ARMC2: variants seen among roughly 807,000 people sequenced by gnomAD.
ARMC2 encodes the protein armadillo repeat-containing protein 2.
ARMC2 carries 67 observed loss-of-function variants against 90.3 expected under a neutral mutation model. The observed-to-expected ratio is 0.74, with a 90% CI of 0.61 to 0.91. The LOEUF (loss-of-function observed/expected upper bound fraction) is 0.91. Ranked by LOEUF, ARMC2 falls within the 40% of genes least tolerant of loss-of-function variation. The pLI, the probability that ARMC2 is intolerant of heterozygous loss-of-function variation, is 0.00. For synonymous variants in ARMC2, 393 were observed against 393.0 expected, an observed-to-expected ratio of 1.00 and a Z score of 0.00; for missense variants, 920 against 1,030.9, an observed-to-expected ratio of 0.89 and a Z score of 1.47.
At chr6:108,977,755 A>G (rs1204229912), downstream of ARMC2, among the ~76,000 whole-genome samples, 1 of 151,988 alleles carries the variant, frequency 6.6e-6, no homozygotes, top group Non-Finnish European at 1.5e-5. Context: ...CAATTTATCC[A>G]TTTCTTCTAG....
At chr6:108,936,003 A>C (rs1173501545) in intron 11 of ARMC2, among the ~76,000 whole-genome samples, 1 of 152,126 alleles carries the variant, frequency 6.6e-6, no homozygotes. Context: ...CATATTAATG[A>C]TGTTTTACCT....
At chr6:108,966,368 T>C (rs1411986200) in intron 17 of ARMC2, among the ~76,000 whole-genome samples, 2 of 152,108 alleles carry the variant, frequency 1.3e-5, no homozygotes, top group Non-Finnish European at 2.9e-5. Flanking sequence ...GGATAATTAA[T>C]GTCCAGATTG....
chr6:109,046,140 C>T, the ARMC2 span, among the ~76,000 whole-genome samples: 1 of 151,802 alleles, frequency 6.6e-6, no homozygotes, highest in South Asian at 2.1e-4. Context: ...CCCTCTCATG[C>T]GGAGCCGAAG....
intron 11 of ARMC2, among the ~76,000 whole-genome samples, chr6:108,931,395 T>A (rs1345877871): frequency 2.0e-5 from 3 of 151,974 alleles, no homozygotes; most frequent in African/African-American, 7.3e-5. Flanking sequence ...AGCGTGCATG[T>A]ATCTTTATTG....
the ARMC2 span, chr6:108,998,540 C>T: frequency 1.9e-6 from 3 of 1,613,820 alleles, no homozygotes; most frequent in Non-Finnish European, 2.5e-6. Context: ...AGTTGACCGG[C>T]ATCTCATCCA....
chr6:108,904,646 TAAAA>T (rs58943428), intron 8 of ARMC2, among the ~76,000 whole-genome samples: 2 of 144,236 alleles, frequency 1.4e-5, no homozygotes, highest in Non-Finnish European at 1.5e-5. Context: ...GCAACTAAGT[TAAAA>T]AAAAAAAAAA....
intron 5 of ARMC2, among the ~76,000 whole-genome samples, chr6:108,882,128 C>A (rs1777643845): frequency 6.6e-6 from 1 of 150,482 alleles, no homozygotes; most frequent in Non-Finnish European, 1.5e-5. Flanking sequence ...ATAATGTGAT[C>A]ATTCTCTTAA....
intron 10 of ARMC2, among the ~76,000 whole-genome samples, chr6:108,919,231 C>T (rs1309915742): frequency 6.6e-6 from 1 of 152,170 alleles, no homozygotes; most frequent in Admixed American, 6.5e-5. Flanking sequence ...TCTTTTAACT[C>T]TTGCTTTAGT....
the ARMC2 span, among the ~76,000 whole-genome samples, chr6:108,985,854 ATAAG>A: frequency 1.4e-4 from 22 of 152,360 alleles, no homozygotes; most frequent in Admixed American, 3.3e-4. Context: ...TAATGCACTT[ATAAG>A]TAAGTTTCTT....
At chr6:108,956,862 C>T (rs1048410636) in intron 13 of ARMC2, among the ~76,000 whole-genome samples, 2 of 152,140 alleles carry the variant, frequency 1.3e-5, no homozygotes, top group African/African-American at 2.4e-5. Flanking sequence ...CATGGTGGCA[C>T]GTGCCTGTAG....
the ARMC2 span, among the ~76,000 whole-genome samples, chr6:109,017,433 C>T: frequency 6.6e-6 from 1 of 152,028 alleles, no homozygotes; most frequent in African/African-American, 2.4e-5. Flanking sequence ...CTACAGGCAC[C>T]CACCACCACA....
chr6:108,914,124 T>A (rs1773708374), intron 10 of ARMC2, among the ~76,000 whole-genome samples: 1 of 152,192 alleles, frequency 6.6e-6, no homozygotes, highest in African/African-American at 2.4e-5. Context: ...TGTGGTTTGC[T>A]GTTTGCATCA....
chr6:108,939,671 T>G (rs2768554), intron 12 of ARMC2, among the ~76,000 whole-genome samples: 2 of 151,998 alleles, frequency 1.3e-5, no homozygotes, highest in Non-Finnish European at 2.9e-5. Context: ...AAGTATTTAT[T>G]TGTAGCAATG....
chr6:108,907,423 A>C lies in ARMC2; in HGVS notation c.1023+3018A>C, dbSNP rs573050147. ...GATATTAGGAATAATATATATTTCC[A>C]TCAATATAGAAATGTTCTTCTGTTT... On this transcript the variant is annotated intron_variant, in intron 8 of 17. Coordinates refer to ENST00000392644, the MANE Select transcript of ARMC2 (RefSeq NM_032131.6). Among the ~76,000 whole-genome samples, 3 of 151,238 alleles carry C rather than the reference A, an allele frequency of 2.0e-5. No individual in the cohort carries two copies. The South Asian group carries it at 6.3e-4, about 32-fold the overall frequency.
At chr6:108,900,053 A>T (rs1771972125) in intron 7 of ARMC2, among the ~76,000 whole-genome samples, 2 of 152,156 alleles carry the variant, frequency 1.3e-5, no homozygotes. Context: ...TTGTAATATA[A>T]ATTAATTAGC....
chr6:108,937,642 A>C (rs765011224), intron 12 of ARMC2, among the ~76,000 whole-genome samples: 25 of 152,242 alleles, frequency 1.6e-4, no homozygotes, highest in Non-Finnish European at 3.2e-4. Context: ...AAGAACTTAC[A>C]AACGATTTCT....
At chr6:108,895,955 G>C (rs1012391271) in intron 6 of ARMC2, among the ~76,000 whole-genome samples, 1 of 152,142 alleles carries the variant, frequency 6.6e-6, no homozygotes, top group South Asian at 2.1e-4. Flanking sequence ...CTAGTGTGGG[G>C]TACACTGATG....
At chr6:108,991,698 C>T in the ARMC2 span, among the ~76,000 whole-genome samples, 3 of 152,166 alleles carry the variant, frequency 2.0e-5, no homozygotes, top group Non-Finnish European at 2.9e-5. Flanking sequence ...ACTTAATAAG[C>T]CCCTACTTCT....
chr6:109,041,633 A>C, the ARMC2 span, among the ~76,000 whole-genome samples: 12 of 152,204 alleles, frequency 7.9e-5, no homozygotes, highest in African/African-American at 2.9e-4. Context: ...ATAAAAAGTT[A>C]AACCCACCAA....
Sources: allele counts gnomAD v4.1 joint callset (sites outside exome capture counted in the v4.1 genomes callset), GRCh38; gene constraint gnomAD v4.1.1; transcripts MANE v1.5; gene names NCBI Gene and HGNC (gene_info 2026-07-23, HGNC 2026-07-21).